TASP1: variants seen among roughly 807,000 people sequenced by gnomAD.
TASP1 encodes taspase 1, also known as threonine aspartase 1.
In TASP1, 16 loss-of-function variants were observed where a neutral mutation model predicts 56.6. The ratio of observed to expected loss-of-function variants is 0.28; its 90% CI spans 0.19 to 0.43. The LOEUF is 0.43. Among genes scored for constraint, TASP1 ranks in the 20% least tolerant of loss-of-function variants. The probability of loss-of-function intolerance (pLI) is 1.00; values close to 1 mark genes in which losing one functional copy is unlikely to be tolerated. For missense variants in TASP1, 393 were observed against 511.6 expected, an observed-to-expected ratio of 0.77 and a Z score of 2.24; for synonymous variants, 179 against 184.2, an observed-to-expected ratio of 0.97 and a Z score of 0.23.
chr20:13,168,697 A>G, the TASP1 span: 2 of 152,242 alleles, frequency 1.3e-5, no homozygotes, highest in African/African-American at 4.8e-5. Flanking sequence ...ATGATGAAAC[A>G]TTAACTCTTA....
the TASP1 span, among the ~76,000 whole-genome samples, chr20:13,367,335 T>C: frequency 5.3e-5 from 8 of 152,232 alleles, no homozygotes; most frequent in Non-Finnish European, 4.4e-5. Flanking sequence ...TTTGTAAGTA[T>C]AACATGCCTT....
chr20:13,247,519 T>G, the TASP1 span, among the ~76,000 whole-genome samples: 35,775 of 85,796 alleles, frequency 0.42, 4,577 homozygotes, highest in Middle Eastern at 0.47. Context: ...AAGTGAGGGG[T>G]GTGTGTGTGT....
At chr20:13,297,929 C>CCT in the TASP1 span, among the ~76,000 whole-genome samples, 2 of 152,080 alleles carry the variant, frequency 1.3e-5, no homozygotes, top group Non-Finnish European at 2.9e-5. Flanking sequence ...CTCTTTGAGG[C>CCT]GCCTTGCCAT....
intron 10 of TASP1, among the ~76,000 whole-genome samples, chr20:13,496,295 T>C (rs2043724933): frequency 6.6e-6 from 1 of 152,168 alleles, no homozygotes; most frequent in Non-Finnish European, 1.5e-5. Context: ...CCTCAGGTGA[T>C]CCACCCGCCT....
chr20:13,622,178 T>G (rs1295498745), intron 4 of TASP1, among the ~76,000 whole-genome samples: 1 of 152,206 alleles, frequency 6.6e-6, no homozygotes, highest in Non-Finnish European at 1.5e-5. Context: ...CCACACACTG[T>G]TCTAAGAGAC....
chr20:13,613,915 C>T (rs2048435853), intron 4 of TASP1, among the ~76,000 whole-genome samples: 1 of 152,066 alleles, frequency 6.6e-6, no homozygotes, highest in African/African-American at 2.4e-5. Flanking sequence ...AAAAAAAGTT[C>T]CTAAGGAAAC....
the TASP1 span, among the ~76,000 whole-genome samples, chr20:13,127,804 G>A: frequency 0.035 from 5,374 of 152,200 alleles, 307 homozygotes; most frequent in African/African-American, 0.12. Context: ...TATGAAATGC[G>A]GTGATTGGCT....
chr20:13,199,556 C>T, the TASP1 span, among the ~76,000 whole-genome samples: 3 of 152,182 alleles, frequency 2.0e-5, no homozygotes, highest in Admixed American at 1.3e-4. Flanking sequence ...TTGCAAGCCT[C>T]TTGAAGGAAA....
the TASP1 span, among the ~76,000 whole-genome samples, chr20:13,216,290 G>A: frequency 3.3e-5 from 5 of 152,176 alleles, no homozygotes; most frequent in African/African-American, 7.2e-5. Flanking sequence ...TGAGGCAGAC[G>A]AGGAAACTGA....
chr20:13,249,762 T>C, the TASP1 span, among the ~76,000 whole-genome samples: 1 of 151,752 alleles, frequency 6.6e-6, no homozygotes, highest in Non-Finnish European at 1.5e-5. Flanking sequence ...TTTCTCAGCC[T>C]CCATCATTTT....
chr20:13,615,502 G>GTTTT (rs756677945), intron 4 of TASP1, among the ~76,000 whole-genome samples: 4 of 132,216 alleles, frequency 3.0e-5, no homozygotes, highest in Admixed American at 7.9e-5. Context: ...TGAGAATCTG[G>GTTTT]TTTTTTTTTT....
downstream of TASP1, among the ~76,000 whole-genome samples, chr20:13,388,763 G>A (rs923838603): frequency 2.0e-5 from 3 of 152,116 alleles, no homozygotes; most frequent in Non-Finnish European, 1.5e-5. Flanking sequence ...CAGATACCAC[G>A]GCACCAACCT....
chr20:13,386,237 G>C (rs1010641840), downstream of TASP1, among the ~76,000 whole-genome samples: 8 of 152,144 alleles, frequency 5.3e-5, no homozygotes, highest in Admixed American at 5.2e-4. Flanking sequence ...ATCTTTTTGT[G>C]ATATTATTAA....
chr20:13,451,949 A>G (rs1429589598), intron 11 of TASP1, among the ~76,000 whole-genome samples: 2 of 152,066 alleles, frequency 1.3e-5, no homozygotes, highest in Non-Finnish European at 2.9e-5. Flanking sequence ...TAATTTCAAT[A>G]TTTTTGTGTC....
chr20:13,128,940 G>T, the TASP1 span, among the ~76,000 whole-genome samples: 16,982 of 148,528 alleles, frequency 0.11, 1,074 homozygotes, highest in East Asian at 0.2. Flanking sequence ...ACAATGGTGC[G>T]ATCTCAGCTC....
chr20:13,405,902 A>G (rs6109862), intron 13 of TASP1, among the ~76,000 whole-genome samples: 79,852 of 151,898 alleles, frequency 0.53, 23,111 homozygotes, highest in Non-Finnish European at 0.65. Context: ...CTGAGACAAT[A>G]TTTAATAATT....
the TASP1 span, among the ~76,000 whole-genome samples, chr20:13,360,588 G>A: frequency 1.3e-5 from 2 of 152,188 alleles, no homozygotes; most frequent in African/African-American, 2.4e-5. Context: ...TAGCCCTCAT[G>A]TCTGCGTGCA....
At chr20:13,128,871 AT>A in the TASP1 span, among the ~76,000 whole-genome samples, 35,339 of 114,192 alleles carry the variant, frequency 0.31, 4,977 homozygotes, top group African/African-American at 0.51. Flanking sequence ...TGCCCAGCTA[AT>A]TTTTTTTTTT....
chr20:13,251,949 G>A, the TASP1 span, among the ~76,000 whole-genome samples: 1 of 151,714 alleles, frequency 6.6e-6, no homozygotes, highest in African/African-American at 2.4e-5. Flanking sequence ...AAGTGAGAGA[G>A]TCCAAGCTGA....
Sources: gnomAD v4.1 joint callset for allele counts (sites outside exome capture counted in the v4.1 genomes callset) on GRCh38, gnomAD v4.1.1 for gene constraint, MANE v1.5 for transcripts, NCBI Gene and HGNC (gene_info 2026-07-23, HGNC 2026-07-21) for gene names.